SORT1: variants seen among roughly 807,000 people sequenced by gnomAD.
SORT1 encodes sortilin 1.
A neutral mutation model predicts 101.7 loss-of-function variants in SORT1; 39 were observed. The observed-to-expected ratio is 0.38, with a 90% CI of 0.30 to 0.50. The LOEUF (loss-of-function observed/expected upper bound fraction) is 0.50, where lower values mean the gene tolerates loss of function less well. Ranked by LOEUF, SORT1 falls within the 20% of genes least tolerant of loss-of-function variation. The pLI, the probability that SORT1 is intolerant of heterozygous loss-of-function variation, is 0.90. For synonymous variants in SORT1, 396 were observed against 393.7 expected, an observed-to-expected ratio of 1.01 and a Z score of -0.07; for missense variants, 878 against 1,040.4, an observed-to-expected ratio of 0.84 and a Z score of 2.15.
chr1:109,368,001 A>G (rs1276315498), intron 2 of SORT1, among the ~76,000 whole-genome samples: 1 of 152,168 alleles, frequency 6.6e-6, no homozygotes, highest in African/African-American at 2.4e-5. Context: ...CATATGAGAA[A>G]TCTTGGAGAT....
chr1:109,323,180 C>A, intron 14 of SORT1, 59 bp from the exon 15 acceptor site: 2 of 1,222,894 alleles, frequency 1.6e-6, no homozygotes, highest in South Asian at 1.4e-5. Flanking sequence ...CCACGGGAGG[C>A]AGCTGCCAGG....
chr1:109,356,941 T>G (rs1259935213), intron 3 of SORT1, among the ~76,000 whole-genome samples: 1 of 152,254 alleles, frequency 6.6e-6, no homozygotes, highest in Non-Finnish European at 1.5e-5. Flanking sequence ...TGCTGTGCAC[T>G]GCAAATTTCT....
chr1:109,387,128 T>C (rs1652618503), intron 1 of SORT1, among the ~76,000 whole-genome samples: 1 of 151,604 alleles, frequency 6.6e-6, no homozygotes, highest in African/African-American at 2.4e-5. Flanking sequence ...CCATCTCTAC[T>C]AAAAATACAA....
At chr1:109,326,454 TATATATATATACATACAC>T (rs1400519865) in intron 13 of SORT1, among the ~76,000 whole-genome samples, 14 of 29,314 alleles carry the variant, frequency 4.8e-4, no homozygotes, top group Admixed American at 3.7e-3. Flanking sequence ...TATATATATA[TATATATATATACATACAC>T]ACACACACAC....
At chr1:109,378,746 ATATATATATATATAT>A (rs1652033469) in intron 1 of SORT1, among the ~76,000 whole-genome samples, 4 of 84,338 alleles carry the variant, frequency 4.7e-5, no homozygotes, top group African/African-American at 1.9e-4. Context: ...ATATATATAT[ATATATATATATATAT>A]AAAGATGTTA....
chr1:109,392,934 C>G, intron 1 of SORT1: 1 of 985,216 alleles, frequency 1.0e-6, no homozygotes, highest in Non-Finnish European at 1.2e-6. Flanking sequence ...ATAAGCTAGA[C>G]GGCTGGGGGT....
intron 1 of SORT1, among the ~76,000 whole-genome samples, chr1:109,373,620 C>T (rs891862445): frequency 2.0e-5 from 3 of 152,150 alleles, no homozygotes; most frequent in Non-Finnish European, 4.4e-5. Flanking sequence ...AGAAAAATAA[C>T]CCCAGACTTA....
intron 17 of SORT1, 25 bp downstream of exon 17, chr1:109,316,825 G>A: frequency 7.1e-7 from 1 of 1,416,638 alleles, no homozygotes; most frequent in Non-Finnish European, 9.9e-7. Flanking sequence ...ATTTGTACCT[G>A]AAAACTAGAC....
intron 9 of SORT1, among the ~76,000 whole-genome samples, chr1:109,341,191 T>C (rs114191770): frequency 0.046 from 6,938 of 152,310 alleles, 189 homozygotes; most frequent in Non-Finnish European, 0.062. Flanking sequence ...TTAGTTTACA[T>C]ATTTTTAAAT....
At position 109,314,069 on chromosome 1, in the gene SORT1, A is replaced by G. The variant is rs1658881672; in HGVS notation, c.2482-12T>C. 1 of 1,613,968 alleles carries G rather than the reference A, an allele frequency of 6.2e-7. No homozygotes were observed. The stretch of plus-strand genomic sequence containing the variant: ...TATTCCAAGAGGTCCTGAAAAAGAC[A>G]TGCACCATATTACCGACAGACCACA... On this transcript the variant is annotated splice_polypyrimidine_tract_variant and intron_variant, in intron 19 of 19. Transcript: ENST00000256637.
At chr1:109,317,409 T>C (rs550542079) in intron 16 of SORT1, among the ~76,000 whole-genome samples, 46 of 152,348 alleles carry the variant, frequency 3.0e-4, no homozygotes, top group African/African-American at 1.1e-3. Flanking sequence ...GACTATCATA[T>C]TGGGCACAGC....
At chr1:109,384,391 A>G (rs895073042) in intron 1 of SORT1, among the ~76,000 whole-genome samples, 19 of 152,218 alleles carry the variant, frequency 1.2e-4, no homozygotes, top group African/African-American at 3.4e-4. Flanking sequence ...TGAGGGTGAT[A>G]TATGTAGAGA....
intron 1 of SORT1, among the ~76,000 whole-genome samples, chr1:109,374,462 G>A (rs1651690743): frequency 6.6e-6 from 1 of 151,966 alleles, no homozygotes. Context: ...GTGGTGGTGG[G>A]CACCTGTAAT....
chr1:109,395,208 CTTTTTTTTTTTTTTTTTTT>C (rs71069681), intron 1 of SORT1, among the ~76,000 whole-genome samples: 6 of 42,608 alleles, frequency 1.4e-4, no homozygotes, highest in Admixed American at 4.6e-4. Flanking sequence ...AACGCAAAAA[CTTTTTTTTTTTTTTTTTTT>C]TTTTTTTTTT....
At chr1:109,314,988 T>TAA (rs1233338126) in intron 17 of SORT1, among the ~76,000 whole-genome samples, 7 of 152,206 alleles carry the variant, frequency 4.6e-5, no homozygotes, top group African/African-American at 1.7e-4. Flanking sequence ...TAGCTCCAAC[T>TAA]GCCTTGAACC....
intron 1 of SORT1, among the ~76,000 whole-genome samples, chr1:109,375,170 G>A (rs951574714): frequency 1.3e-5 from 2 of 152,154 alleles, no homozygotes; most frequent in Non-Finnish European, 2.9e-5. Flanking sequence ...ACAGCTCAGC[G>A]ATGGCTCTGT....
chr1:109,386,974 A>T, intron 1 of SORT1, among the ~76,000 whole-genome samples: 1 of 152,186 alleles, frequency 6.6e-6, no homozygotes, highest in Non-Finnish European at 1.5e-5. Context: ...GGGAAGAAAA[A>T]TTGTTATTAA....
intron 1 of SORT1, among the ~76,000 whole-genome samples, chr1:109,380,413 T>C (rs1205967689): frequency 6.6e-6 from 1 of 151,856 alleles, no homozygotes; most frequent in Non-Finnish European, 1.5e-5. Context: ...ATGTAAAAAG[T>C]TTAAATTGCA....
chr1:109,353,404 T>C (rs1650100971), intron 5 of SORT1, among the ~76,000 whole-genome samples: 1 of 146,394 alleles, frequency 6.8e-6, no homozygotes, highest in African/African-American at 2.6e-5. Flanking sequence ...CAGCCTCACC[T>C]CTGCTCAAAA....
Sources: allele counts gnomAD v4.1 joint callset (sites outside exome capture counted in the v4.1 genomes callset), GRCh38; gene constraint gnomAD v4.1.1; transcripts MANE v1.5; gene names NCBI Gene and HGNC (gene_info 2026-07-23, HGNC 2026-07-21).